Variants in PEBP4 observed in about 807,000 individuals in gnomAD.
PEBP4 encodes phosphatidylethanolamine binding protein 4.
In PEBP4, 22 loss-of-function variants were observed where a neutral mutation model predicts 23.9. The ratio of observed to expected loss-of-function variants is 0.92; its 90% CI spans 0.66 to 1.31. The LOEUF is 1.31. PEBP4 is among the 40% of genes most tolerant of loss of function. PEBP4 has a pLI of 0.00. For missense variants in PEBP4, 324 were observed against 281.7 expected (o/e 1.15, Z -1.07); for synonymous variants, 112 against 99.3 (o/e 1.13, Z -0.76).
In PEBP4 at chr8:22,749,805, C is replaced by CTTTTTTTT. The variant is rs71206545; in HGVS notation, c.358-22593_358-22586dup. ...CTCTCCTGATTCTCAGTTTGTCATT[C>CTTTTTTTT]TTTTTTTTTTTTTTTTTTGAGATGG... On this transcript the variant is annotated intron_variant, in intron 4 of 6. Coordinates refer to ENST00000256404, the MANE Select transcript of PEBP4 (RefSeq NM_144962.3). Among the ~76,000 whole-genome samples the CTTTTTTTT allele has an allele frequency of 1.6e-3, 131 of 83,748 alleles. 11 individuals carry two copies. The highest frequency in any genetic ancestry group is 3.9e-3 in the African/African-American group (100 of 25,794). 54.9% of individuals were successfully genotyped at this position (83,748 alleles called of 152,430 possible).
chr8:22,824,891 C>T (rs1422998852), intron 3 of PEBP4, among the ~76,000 whole-genome samples: 6 of 152,168 alleles, frequency 3.9e-5, no homozygotes, highest in African/African-American at 1.2e-4. Context: ...TTACCTCCTG[C>T]TGTGTGGCCC....
chr8:22,756,636 G>A (rs1288748371), intron 4 of PEBP4, among the ~76,000 whole-genome samples: 1 of 152,206 alleles, frequency 6.6e-6, no homozygotes, highest in Non-Finnish European at 1.5e-5. Flanking sequence ...TTAAAAAGAT[G>A]CCAGGAGCAG....
intron 4 of PEBP4, among the ~76,000 whole-genome samples, chr8:22,796,088 G>A (rs1261926312): frequency 1.3e-5 from 2 of 152,160 alleles, no homozygotes; most frequent in Admixed American, 6.5e-5. Flanking sequence ...CCAATATGGC[G>A]GACACTCGAT....
intron 4 of PEBP4, among the ~76,000 whole-genome samples, chr8:22,772,553 T>G (rs565434809): frequency 4.8e-4 from 69 of 142,370 alleles, no homozygotes; most frequent in African/African-American, 1.7e-3. Flanking sequence ...TGGAGTAAAA[T>G]GCTGTGATTG....
chr8:22,777,184 C>T (rs900354522), intron 4 of PEBP4, among the ~76,000 whole-genome samples: 1 of 152,108 alleles, frequency 6.6e-6, no homozygotes, highest in South Asian at 2.1e-4. Flanking sequence ...TCATTTTCCC[C>T]GATTTCCCTC....
intron 3 of PEBP4, among the ~76,000 whole-genome samples, chr8:22,917,353 C>T (rs564790500): frequency 6.6e-6 from 1 of 152,300 alleles, no homozygotes; most frequent in East Asian, 1.9e-4. Flanking sequence ...CCAGCCTCAC[C>T]AGTCATGCCC....
chr8:22,910,478 C>T (rs1450093570), intron 3 of PEBP4, among the ~76,000 whole-genome samples: 1 of 152,172 alleles, frequency 6.6e-6, no homozygotes, highest in African/African-American at 2.4e-5. Flanking sequence ...TGGTGAGAAC[C>T]CTGAAGGTAA....
At chr8:22,927,254 G>A (rs777785579) in intron 2 of PEBP4, among the ~76,000 whole-genome samples, 23 of 151,962 alleles carry the variant, frequency 1.5e-4, no homozygotes, top group Non-Finnish European at 1.0e-4. Flanking sequence ...AGGGAGGGAT[G>A]GTCTCTCTCT....
At chr8:22,795,008 GCTTC>G (rs1354845588) in intron 4 of PEBP4, among the ~76,000 whole-genome samples, 16 of 150,828 alleles carry the variant, frequency 1.1e-4, no homozygotes, top group Non-Finnish European at 1.9e-4. Context: ...GTTTTTCATG[GCTTC>G]CTTATTATAC....
intron 3 of PEBP4, among the ~76,000 whole-genome samples, chr8:22,914,834 A>T (rs1809036057): frequency 6.6e-6 from 1 of 150,970 alleles, no homozygotes; most frequent in Non-Finnish European, 1.5e-5. Context: ...CCTGTAAAAA[A>T]CCCAGTGCTT....
At chr8:22,940,833 CTCTCCTCTG>C (rs985398950) in intron 1 of PEBP4, among the ~76,000 whole-genome samples, 1 of 152,110 alleles carries the variant, frequency 6.6e-6, no homozygotes, top group African/African-American at 2.4e-5. Context: ...GGTGTTTTTT[CTCTCCTCTG>C]TCTCCTCTCT....
intron 4 of PEBP4, among the ~76,000 whole-genome samples, chr8:22,808,639 C>A (rs1806551707): frequency 6.6e-6 from 1 of 152,114 alleles, no homozygotes; most frequent in South Asian, 2.1e-4. Context: ...CTGAGCTGGG[C>A]CTTGAAGTAG....
At chr8:22,828,730 C>G (rs554979447) in intron 3 of PEBP4, among the ~76,000 whole-genome samples, 1 of 152,278 alleles carries the variant, frequency 6.6e-6, no homozygotes, top group Admixed American at 6.5e-5. Flanking sequence ...GACAATGGCA[C>G]CTGCTCCCAA....
chr8:22,764,695 TG>T (rs1248564675), intron 4 of PEBP4, among the ~76,000 whole-genome samples: 1 of 151,838 alleles, frequency 6.6e-6, no homozygotes, highest in Non-Finnish European at 1.5e-5. Flanking sequence ...GGTCCTACTC[TG>T]AGGCTGCTGC....
At chr8:22,817,199 CA>C (rs1163053316) in intron 4 of PEBP4, among the ~76,000 whole-genome samples, 1 of 152,184 alleles carries the variant, frequency 6.6e-6, no homozygotes, top group South Asian at 2.1e-4. Flanking sequence ...GGAGGAGCTC[CA>C]GGACTTCTCC....
At chr8:22,923,825 G>T (rs555063345) in intron 2 of PEBP4, among the ~76,000 whole-genome samples, 49 of 152,224 alleles carry the variant, frequency 3.2e-4, no homozygotes, top group African/African-American at 9.4e-4. Flanking sequence ...CAGCAAGAAG[G>T]TGCCATCTTT....
At chr8:22,857,247 C>T (rs1414134417) in intron 3 of PEBP4, among the ~76,000 whole-genome samples, 2 of 150,704 alleles carry the variant, frequency 1.3e-5, no homozygotes, top group African/African-American at 4.9e-5. Flanking sequence ...AACCTACACA[C>T]ACACACACAC....
intron 4 of PEBP4, among the ~76,000 whole-genome samples, chr8:22,792,833 T>C (rs1422689029): frequency 5.3e-5 from 8 of 151,908 alleles, no homozygotes; most frequent in African/African-American, 1.7e-4. Context: ...GGCATTGCGG[T>C]GGGTGGTAGG....
In PEBP4 at chr8:22,775,264, C is replaced by T. The variant is rs1264467625; in HGVS notation, c.357+42373G>A. On this transcript the variant is annotated intron_variant, in intron 4 of 6. Transcript: ENST00000256404. This position sits in a 1 kb window ranked among gnomAD's most constrained non-coding sequence, Gnocchi z 4.8. Reference sequence around the variant, plus strand: ...CTCTCTCAGCAGCATCTTTCAGGGACCCGGAAGCCCCAAGCATCTGGCAAG... The same window carrying T: ...CTCTCTCAGCAGCATCTTTCAGGGATCCGGAAGCCCCAAGCATCTGGCAAG... 6.6e-6 allele frequency among the ~76,000 whole-genome samples: 1 copy of T among 152,210 alleles called. No individual in the cohort carries two copies. Among genetic ancestry groups the T allele is most frequent in the African/African-American group, 2.4e-5 (1 of 41,454 alleles).
Sources: allele counts gnomAD v4.1 joint callset (sites outside exome capture counted in the v4.1 genomes callset), GRCh38; gene constraint gnomAD v4.1.1; non-coding constraint Gnocchi (gnomAD v3.1); transcripts MANE v1.5; gene names NCBI Gene and HGNC (gene_info 2026-07-23, HGNC 2026-07-21).